The following CWC22 variants were observed in gnomAD, a reference collection of about 807,000 sequenced individuals.
The protein encoded by CWC22 is pre-mRNA-splicing factor CWC22 homolog.
Under a neutral mutation model 117.2 loss-of-function variants are expected in CWC22, and 53 were observed. The observed-to-expected ratio is 0.45, with a 90% CI of 0.36 to 0.57. The LOEUF is 0.57. Ranked by LOEUF, CWC22 falls within the 20% of genes least tolerant of loss-of-function variation. The pLI, the probability that CWC22 is intolerant of heterozygous loss-of-function variation, is 0.00. For missense variants in CWC22, 980 were observed against 1,068.8 expected, an observed-to-expected ratio of 0.92 and a Z score of 1.16; for synonymous variants, 360 against 355.6, an observed-to-expected ratio of 1.01 and a Z score of -0.14.
chr2:180,005,934 C>T (rs1363420179), intron 1 of CWC22, among the ~76,000 whole-genome samples: 1 of 152,204 alleles, frequency 6.6e-6, no homozygotes, highest in Admixed American at 6.5e-5. Flanking sequence ...CCAGGACCAA[C>T]ACAAGTGGCT....
At position 179,964,643 on chromosome 2, in the gene CWC22, A is replaced by G. The variant is rs1296667092; in HGVS notation, c.1316-15T>C. The G allele has an allele frequency of 1.5e-6, 2 of 1,303,722 alleles. No individual in the cohort carries two copies. Among genetic ancestry groups the G allele is most frequent in the Non-Finnish European group, 2.2e-6 (2 of 928,956 alleles). The allele number at this position is 1,303,722 out of a possible 1,614,324, so 80.8% of individuals were successfully genotyped here. A position where few individuals can be genotyped will look rare whatever the true frequency, so the allele number is the denominator to read the frequency against. The stretch of plus-strand genomic sequence containing the variant: ...TACTTTTTGTCCTGAAAGAAACATA[A>G]CAAAATTACACAACTGCAAAAATAA... On this transcript the variant is annotated splice_polypyrimidine_tract_variant and intron_variant, in intron 12 of 19. Transcript: ENST00000410053.
At chr2:179,957,806 T>C (rs917551216) in intron 14 of CWC22, among the ~76,000 whole-genome samples, 5 of 150,044 alleles carry the variant, frequency 3.3e-5, no homozygotes, top group African/African-American at 1.2e-4. Context: ...ATGTAATATC[T>C]AGATGGGAAG....
At chr2:179,950,298 T>C (rs558665301) in intron 19 of CWC22, among the ~76,000 whole-genome samples, 3 of 152,192 alleles carry the variant, frequency 2.0e-5, no homozygotes, top group African/African-American at 7.2e-5. Flanking sequence ...AATATTTTCA[T>C]TTCTATGATG....
rs1466781546 is a variant in CWC22 at position 179,981,733 on chromosome 2, C to G, written c.452+19G>C. The G allele has an allele frequency of 2.5e-6, 4 of 1,597,376 alleles. No homozygotes were observed. Among genetic ancestry groups the G allele is most frequent in the Non-Finnish European group, 2.6e-6 (3 of 1,166,362 alleles). On this transcript the variant is annotated intron_variant, in intron 5 of 19. Transcript: ENST00000410053. The stretch of plus-strand genomic sequence containing the variant: ...AATGACAATTTCATGGCTTTGTATA[C>G]TGATTGATATAAACATGCCTGTTTT...
chr2:179,994,567 G>A (rs13011452), intron 1 of CWC22, among the ~76,000 whole-genome samples: 21,710 of 152,110 alleles, frequency 0.14, 1,938 homozygotes, highest in Admixed American at 0.29. Context: ...TAATGCAGAT[G>A]GGGATGTATA....
intron 1 of CWC22, among the ~76,000 whole-genome samples, chr2:180,004,430 C>T (rs56268693): frequency 0.2 from 30,095 of 151,906 alleles, 3,877 homozygotes; most frequent in Middle Eastern, 0.33. Context: ...CTCACTTTAT[C>T]GCCCAAGCTG....
At chr2:179,999,356 A>G (rs2105563244) in intron 1 of CWC22, among the ~76,000 whole-genome samples, 1 of 152,274 alleles carries the variant, frequency 6.6e-6, no homozygotes, top group East Asian at 1.9e-4. Flanking sequence ...CAAGAAAGCA[A>G]CTCAACAAAA....
intron 13 of CWC22, 111 bp downstream of exon 13, chr2:179,964,436 G>C: frequency 1.7e-6 from 1 of 580,722 alleles, no homozygotes; most frequent in Non-Finnish European, 3.0e-6. Context: ...GTCTAAGAAT[G>C]CTGAAATGGT....
intron 1 of CWC22, among the ~76,000 whole-genome samples, chr2:179,999,262 T>G (rs936508813): frequency 1.3e-5 from 2 of 152,182 alleles, no homozygotes; most frequent in Non-Finnish European, 2.9e-5. Flanking sequence ...GAGCAATTTA[T>G]CTAGAGTTTA....
rs1015590533 is a variant in CWC22, at chr2:180,007,097, C to T, written c.-344G>A. On this transcript the variant is annotated 5_prime_UTR_variant, in exon 1 of 20. It adds an upstream start codon to the 5' untranslated region. Transcript: ENST00000410053. ...AGAGCTCCACCGCGCCGCCATTACA[C>T]CGGACGTACGTCACTTCCTCTTCCC... 1 of 152,250 alleles carries T rather than the reference C, an allele frequency of 6.6e-6. No homozygotes were observed. Among genetic ancestry groups the T allele is most frequent in the Admixed American group, 6.5e-5 (1 of 15,286 alleles). 9.4% of individuals were successfully genotyped at this position (152,250 alleles called of 1,614,324 possible). A position where few individuals can be genotyped will look rare whatever the true frequency, so the allele number is the denominator to read the frequency against.
chr2:179,968,040 G>A (rs1279376161), intron 11 of CWC22, among the ~76,000 whole-genome samples: 1 of 152,118 alleles, frequency 6.6e-6, no homozygotes, highest in Non-Finnish European at 1.5e-5. Flanking sequence ...TTTTTTGGAC[G>A]AGAGCGGTGG....
At chr2:179,999,376 T>C (rs995606884) in intron 1 of CWC22, among the ~76,000 whole-genome samples, 1 of 152,150 alleles carries the variant, frequency 6.6e-6, no homozygotes, top group Non-Finnish European at 1.5e-5. Context: ...ACCACACCTG[T>C]TCTCCCGAAG....
chr2:179,993,567 C>T (rs931189821), intron 1 of CWC22, 113 bp from the exon 2 acceptor site: 129 of 474,414 alleles, frequency 2.7e-4, no homozygotes, highest in Non-Finnish European at 4.1e-4. Flanking sequence ...AATCCATAAA[C>T]AAATATAATA....
chr2:179,946,450 A>AAC (rs1686302109), intron 19 of CWC22, among the ~76,000 whole-genome samples: 2 of 70,774 alleles, frequency 2.8e-5, no homozygotes, highest in Non-Finnish European at 5.0e-5. Context: ...GACTCTGTCC[A>AAC]AAAAAAAAAA....
At chr2:179,971,727 G>T (rs1274663035) in intron 8 of CWC22, among the ~76,000 whole-genome samples, 1 of 152,126 alleles carries the variant, frequency 6.6e-6, no homozygotes, top group African/African-American at 2.4e-5. Context: ...CTATTGAGAA[G>T]TTTGCTAAGA....
At chr2:179,968,596 C>G (rs1166441883) in intron 11 of CWC22, among the ~76,000 whole-genome samples, 1 of 150,960 alleles carries the variant, frequency 6.6e-6, no homozygotes, top group Non-Finnish European at 1.5e-5. Flanking sequence ...GAGACGGAGT[C>G]TCGCTCTGTC....
intron 2 of CWC22, among the ~76,000 whole-genome samples, chr2:179,988,891 T>C (rs1687487279): frequency 6.6e-6 from 1 of 151,878 alleles, no homozygotes; most frequent in South Asian, 2.1e-4. Context: ...TTTTTTTTTC[T>C]GTTTATTTTT....
At chr2:179,954,768 G>C (rs1686540908) in intron 15 of CWC22, among the ~76,000 whole-genome samples, 189 bp downstream of exon 15, 1 of 152,044 alleles carries the variant, frequency 6.6e-6, no homozygotes, top group Non-Finnish European at 1.5e-5. Context: ...GATATGCAAA[G>C]TTAAAGCACT....
At chr2:179,963,402 G>A (rs1686805892) in intron 13 of CWC22, among the ~76,000 whole-genome samples, 1 of 133,720 alleles carries the variant, frequency 7.5e-6, no homozygotes, top group South Asian at 2.3e-4. Context: ...GAGTGCAGTG[G>A]CGCCATCTCG....
Sources: gnomAD v4.1 joint callset for allele counts (sites outside exome capture counted in the v4.1 genomes callset) on GRCh38, gnomAD v4.1.1 for gene constraint, MANE v1.5 for transcripts, NCBI Gene and HGNC (gene_info 2026-07-23, HGNC 2026-07-21) for gene names.